ATRNL1: variants seen among roughly 807,000 people sequenced by gnomAD.
ATRNL1 encodes attractin-like protein 1.
A neutral mutation model predicts 182.7 loss-of-function variants in ATRNL1; 95 were observed. The ratio of observed to expected loss-of-function variants is 0.52; its 90% CI spans 0.44 to 0.62. The LOEUF is 0.62. Among genes scored for constraint, ATRNL1 ranks in the 20% least tolerant of loss-of-function variants. The pLI is 0.00. For missense variants in ATRNL1, 1,471 were observed against 1,679.5 expected (o/e 0.88, Z 2.17); for synonymous variants, 576 against 568.3 (o/e 1.01, Z -0.19).
chr10:115,852,991 C>T (rs1374257923), intron 28 of ATRNL1, among the ~76,000 whole-genome samples: 1 of 152,180 alleles, frequency 6.6e-6, no homozygotes, highest in Non-Finnish European at 1.5e-5. Flanking sequence ...AGACCTAGCT[C>T]TGCCACTGAC....
chr10:115,312,802 T>C (rs1444335141), intron 17 of ATRNL1, among the ~76,000 whole-genome samples: 1 of 152,134 alleles, frequency 6.6e-6, no homozygotes, highest in African/African-American at 2.4e-5. Flanking sequence ...TTGTTCCTTT[T>C]TTAAATTATT....
At chr10:115,780,065 G>A (rs561069719) in intron 27 of ATRNL1, among the ~76,000 whole-genome samples, 2 of 152,306 alleles carry the variant, frequency 1.3e-5, no homozygotes, top group African/African-American at 4.8e-5. Flanking sequence ...AAGAGAGTAG[G>A]AAATACTGTC....
intron 26 of ATRNL1, among the ~76,000 whole-genome samples, chr10:115,678,932 A>G (rs782267663): frequency 1.3e-5 from 2 of 152,096 alleles, no homozygotes; most frequent in African/African-American, 2.4e-5. Context: ...TCCAAACCCA[A>G]TAGACAATGG....
chr10:115,870,242 G>A (rs1951549710), intron 28 of ATRNL1, among the ~76,000 whole-genome samples: 1 of 152,200 alleles, frequency 6.6e-6, no homozygotes, highest in African/African-American at 2.4e-5. Flanking sequence ...AAGGAAAATG[G>A]CAGTGGGACA....
chr10:115,554,344 C>T (rs782119735), intron 26 of ATRNL1, among the ~76,000 whole-genome samples: 6 of 151,538 alleles, frequency 4.0e-5, no homozygotes, highest in Non-Finnish European at 8.9e-5. Context: ...CATTATCATA[C>T]TTTCAAAATT....
chr10:115,169,432 C>T (rs1847197054), intron 7 of ATRNL1, among the ~76,000 whole-genome samples: 1 of 152,024 alleles, frequency 6.6e-6, no homozygotes, highest in Non-Finnish European at 1.5e-5. Flanking sequence ...TGGTTTTGAA[C>T]TCCTGACCTC....
intron 13 of ATRNL1, among the ~76,000 whole-genome samples, chr10:115,272,112 C>A (rs1417056237): frequency 6.6e-6 from 1 of 152,202 alleles, no homozygotes; most frequent in African/African-American, 2.4e-5. Flanking sequence ...TCCCTGAGGC[C>A]TCTGCAGAAG....
In ATRNL1 at chr10:115,617,024, C is replaced by T. The variant is rs9663495; in HGVS notation, c.3795+67488C>T. Among the ~76,000 whole-genome samples the T allele has an allele frequency of 1.8e-3, 275 of 152,264 alleles. 1 individual carries two copies. Among genetic ancestry groups the T allele is most frequent in the African/African-American group, 6.2e-3 (258 of 41,548 alleles). ...GCCTCAGACCCCAGAATGTTAGAGCCGACTGTAACTTGCACCATGTGCTTG... is the reference window on the plus strand; with the variant it reads ...GCCTCAGACCCCAGAATGTTAGAGCTGACTGTAACTTGCACCATGTGCTTG... On this transcript the variant is annotated intron_variant, in intron 26 of 28. Transcript: ENST00000355044.
At position 115,300,067 on chromosome 10, in the gene ATRNL1, A is replaced by G. The variant is rs782705608; in HGVS notation, c.2449A>G (p.Asn817Asp). The G allele has an allele frequency of 1.2e-6, 2 of 1,613,862 alleles. No individual in the cohort carries two copies. The highest frequency in any genetic ancestry group is 8.5e-7 in the Non-Finnish European group (1 of 1,179,768). ...ACCTTGGGTAGGCTTGCGCAAGATCAATATATCCTATTGGGGATGGGAAGA... is the reference window on the plus strand; with the variant it reads ...ACCTTGGGTAGGCTTGCGCAAGATCGATATATCCTATTGGGGATGGGAAGA... The part of the protein sequence containing the change: ...VSPWVGLRKI[N>D]ISYWGWEDMS... The change falls in exon 16 of 29, where the codon AAT becomes GAT. Residue 817 changes from asparagine (N) to aspartate (D), a missense_variant. Coordinates refer to ENST00000355044, the MANE Select transcript of ATRNL1 (RefSeq NM_207303.4).
chr10:115,854,696 T>G (rs552553258), intron 28 of ATRNL1, among the ~76,000 whole-genome samples: 1 of 152,234 alleles, frequency 6.6e-6, no homozygotes, highest in South Asian at 2.1e-4. Flanking sequence ...CTGACTTGTC[T>G]GTTTTTGTAA....
intron 5 of ATRNL1, among the ~76,000 whole-genome samples, chr10:115,149,841 T>A (rs924139541): frequency 1.3e-5 from 2 of 151,942 alleles, no homozygotes; most frequent in Non-Finnish European, 2.9e-5. Context: ...AATCCTGGCC[T>A]TGTAAAATGA....
intron 27 of ATRNL1, among the ~76,000 whole-genome samples, chr10:115,797,846 A>G (rs73379792): frequency 0.046 from 6,936 of 152,300 alleles, 551 homozygotes; most frequent in African/African-American, 0.15. Context: ...AGGCAGTGGC[A>G]GGAGCAAATG....
intron 17 of ATRNL1, among the ~76,000 whole-genome samples, chr10:115,306,516 T>C (rs576556312): frequency 2.0e-5 from 3 of 152,210 alleles, no homozygotes; most frequent in Admixed American, 6.5e-5. Context: ...ATCTTTAAAA[T>C]TAATTTTTTT....
chr10:115,819,260 T>C (rs782088301), intron 27 of ATRNL1, among the ~76,000 whole-genome samples: 5 of 152,070 alleles, frequency 3.3e-5, no homozygotes, highest in Non-Finnish European at 7.4e-5. Flanking sequence ...AAATGAAGCA[T>C]GTTCAAAATT....
intron 27 of ATRNL1, among the ~76,000 whole-genome samples, chr10:115,818,144 T>G (rs1328865379): frequency 6.6e-6 from 1 of 151,822 alleles, no homozygotes; most frequent in Admixed American, 6.6e-5. Context: ...AGAAACAAAT[T>G]TTCTTAAGTC....
chr10:115,917,699 C>T (rs1195818320), intron 28 of ATRNL1, among the ~76,000 whole-genome samples: 1 of 151,996 alleles, frequency 6.6e-6, no homozygotes, highest in Non-Finnish European at 1.5e-5. Flanking sequence ...TTCTTGTTTA[C>T]TTTTCTCAGA....
At chr10:115,306,560 A>G (rs1373186845) in intron 17 of ATRNL1, among the ~76,000 whole-genome samples, 1 of 151,928 alleles carries the variant, frequency 6.6e-6, no homozygotes, top group Admixed American at 6.6e-5. Context: ...GGATTTTTAG[A>G]TTTTTTAGAT....
chr10:115,635,148 A>C (rs1025493015), intron 26 of ATRNL1, among the ~76,000 whole-genome samples: 5 of 152,118 alleles, frequency 3.3e-5, no homozygotes, highest in Admixed American at 6.5e-5. Context: ...AACCTGGACC[A>C]TATTAAAGTA....
At chr10:115,349,019 A>T (rs1247983121) in intron 19 of ATRNL1, among the ~76,000 whole-genome samples, 1 of 152,208 alleles carries the variant, frequency 6.6e-6, no homozygotes, top group Non-Finnish European at 1.5e-5. Context: ...ATTTTAAACT[A>T]TAGTCACTTT....
Sources: allele counts gnomAD v4.1 joint callset (sites outside exome capture counted in the v4.1 genomes callset), GRCh38; gene constraint gnomAD v4.1.1; transcripts MANE v1.5; gene names NCBI Gene and HGNC (gene_info 2026-07-23, HGNC 2026-07-21).